TENM4: variants seen among roughly 807,000 people sequenced by gnomAD.
TENM4 encodes teneurin-4.
Under a neutral mutation model 243.3 loss-of-function variants are expected in TENM4, and 82 were observed. The observed-to-expected ratio is 0.34, with a 90% confidence interval of 0.28 to 0.40. The LOEUF is 0.40. Ranked by LOEUF, TENM4 falls within the 10% of genes least tolerant of loss-of-function variation. The pLI is 1.00. For synonymous variants in TENM4, 1,412 were observed against 1,456.3 expected (o/e 0.97, Z 0.69); for missense variants, 3,138 against 3,673.3 (o/e 0.85, Z 3.77).
intron 4 of TENM4, among the ~76,000 whole-genome samples, chr11:79,108,611 C>T (rs955725009): frequency 6.6e-6 from 1 of 152,052 alleles, no homozygotes; most frequent in Non-Finnish European, 1.5e-5. Context: ...ACCAACTCAC[C>T]AAAATTAGCA....
intron 6 of TENM4, among the ~76,000 whole-genome samples, chr11:79,061,146 A>G (rs564391318): frequency 6.6e-6 from 1 of 152,312 alleles, no homozygotes; most frequent in South Asian, 2.1e-4. Flanking sequence ...TTCCTCCGCT[A>G]TAAGTTGGGG....
At chr11:78,769,416 C>T (rs1856605205) in intron 18 of TENM4, among the ~76,000 whole-genome samples, 1 of 150,250 alleles carries the variant, frequency 6.7e-6, no homozygotes, top group Non-Finnish European at 1.5e-5. Context: ...CTTTCCTACT[C>T]CCACAACAAC....
intron 12 of TENM4, among the ~76,000 whole-genome samples, chr11:78,840,602 A>C (rs1005994199): frequency 6.6e-6 from 1 of 152,174 alleles, no homozygotes; most frequent in African/African-American, 2.4e-5. Context: ...CCATCACTAA[A>C]TCTTTGCTTA....
intron 4 of TENM4, among the ~76,000 whole-genome samples, chr11:79,090,750 T>A (rs1427598246): frequency 6.6e-6 from 1 of 152,166 alleles, no homozygotes; most frequent in Admixed American, 6.5e-5. Context: ...CCTTGGGACT[T>A]GGTGGCTCAC....
intron 6 of TENM4, among the ~76,000 whole-genome samples, chr11:79,005,945 C>T (rs1225142950): frequency 2.0e-5 from 3 of 152,212 alleles, no homozygotes; most frequent in Admixed American, 6.5e-5. Context: ...TTTCTATACA[C>T]TAACAATGCC....
chr11:78,920,278 G>A (rs1371746527), intron 6 of TENM4, among the ~76,000 whole-genome samples: 4 of 152,194 alleles, frequency 2.6e-5, no homozygotes, highest in Non-Finnish European at 5.9e-5. Flanking sequence ...AGGGCACAAT[G>A]ACAAACAAGA....
intron 7 of TENM4, among the ~76,000 whole-genome samples, chr11:78,901,654 G>T (rs569379686): frequency 5.3e-5 from 8 of 152,222 alleles, no homozygotes; most frequent in African/African-American, 1.7e-4. Flanking sequence ...TCGATTAGTG[G>T]CTGGCTTCTT....
intron 1 of TENM4, among the ~76,000 whole-genome samples, chr11:79,326,266 T>C (rs575628502): frequency 5.3e-5 from 8 of 152,290 alleles, no homozygotes; most frequent in Non-Finnish European, 1.0e-4. Context: ...CCCTTTCCCC[T>C]TGGCTTCCAT....
At chr11:79,139,704 T>C (rs1862231643) in intron 4 of TENM4, among the ~76,000 whole-genome samples, 1 of 99,952 alleles carries the variant, frequency 1.0e-5, no homozygotes, top group South Asian at 2.8e-4. Flanking sequence ...ATATATAATA[T>C]TTATATAAGT....
At chr11:79,342,506 C>T (rs575925446) in intron 1 of TENM4, among the ~76,000 whole-genome samples, 4 of 152,234 alleles carry the variant, frequency 2.6e-5, no homozygotes, top group South Asian at 4.2e-4. Context: ...TAAGGAACTG[C>T]GTGGCCTCCC....
chr11:78,848,331 G>C (rs1353135201), intron 12 of TENM4, among the ~76,000 whole-genome samples: 1 of 152,034 alleles, frequency 6.6e-6, no homozygotes, highest in African/African-American at 2.4e-5. Flanking sequence ...TTTTTGCTTA[G>C]CGTGGCATTT....
At chr11:79,016,702 A>G (rs1328166854) in intron 6 of TENM4, among the ~76,000 whole-genome samples, 1 of 152,226 alleles carries the variant, frequency 6.6e-6, no homozygotes, top group Non-Finnish European at 1.5e-5. Flanking sequence ...ATCATGCCCA[A>G]GAAAAACTAC....
intron 3 of TENM4, among the ~76,000 whole-genome samples, chr11:79,196,700 C>T (rs904130817): frequency 1.3e-5 from 2 of 152,160 alleles, no homozygotes; most frequent in African/African-American, 4.8e-5. Context: ...TTAACAGGGC[C>T]TCAGTCACAC....
At chr11:79,327,636 C>T (rs943725229) in intron 1 of TENM4, among the ~76,000 whole-genome samples, 4 of 140,150 alleles carry the variant, frequency 2.9e-5, no homozygotes, top group African/African-American at 1.1e-4. Flanking sequence ...AAAGCAGAGT[C>T]AGAATTGGAA....
intron 19 of TENM4, among the ~76,000 whole-genome samples, chr11:78,751,990 G>GC (rs1422295876): frequency 6.6e-6 from 1 of 152,208 alleles, no homozygotes; most frequent in Non-Finnish European, 1.5e-5. Context: ...TCCAGGCCAG[G>GC]AGAGAATGGT....
chr11:78,916,095 A>G (rs945457589), intron 6 of TENM4, among the ~76,000 whole-genome samples: 4 of 152,206 alleles, frequency 2.6e-5, no homozygotes, highest in African/African-American at 9.7e-5. Context: ...TCATTCAAAC[A>G]GCACAGTGGC....
chr11:78,726,234 A>C lies in TENM4; in HGVS notation c.3407-12T>G. 6.2e-7 allele frequency: 1 copy of C among 1,613,210 alleles called. No homozygotes were observed. The highest frequency in any genetic ancestry group is 1.7e-4 in the Middle Eastern group (1 of 6,058). On this transcript the variant is annotated splice_polypyrimidine_tract_variant and intron_variant, in intron 22 of 33. Coordinates refer to ENST00000278550, the MANE Select transcript of TENM4 (RefSeq NM_001098816.3). ...ATAACCCACGGAAACTGTAGGTGAC[A>C]GAATGAGGCAAAATGCATAAGTGAG...
At chr11:79,392,899 G>A (rs1422637810) in intron 1 of TENM4, among the ~76,000 whole-genome samples, 1 of 152,210 alleles carries the variant, frequency 6.6e-6, no homozygotes, top group Non-Finnish European at 1.5e-5. Flanking sequence ...CGAAGGGACA[G>A]AGTGATCCAC....
intron 3 of TENM4, among the ~76,000 whole-genome samples, chr11:79,207,527 G>C (rs932328896): frequency 1.3e-5 from 2 of 152,120 alleles, no homozygotes; most frequent in African/African-American, 2.4e-5. Context: ...TTTGAAACCA[G>C]AGCCTGAGCT....
Sources: allele counts gnomAD v4.1 joint callset (sites outside exome capture counted in the v4.1 genomes callset), GRCh38; gene constraint gnomAD v4.1.1; transcripts MANE v1.5; gene names NCBI Gene and HGNC (gene_info 2026-07-23, HGNC 2026-07-21).